TAS2R1: variants seen among roughly 807,000 people sequenced by gnomAD.
TAS2R1 encodes the protein taste receptor type 2 member 1.
For synonymous variants in TAS2R1, 141 were observed against 134.2 expected (o/e 1.05, Z -0.35); for missense variants, 370 against 353.4 (o/e 1.05, Z -0.38).
chr5:9,877,906 TAGAGA>T, the TAS2R1 span, among the ~76,000 whole-genome samples: 1 of 152,184 alleles, frequency 6.6e-6, no homozygotes, highest in Non-Finnish European at 1.5e-5. Flanking sequence ...CACCATAGGT[TAGAGA>T]AAAGAAAAGG....
chr5:9,737,183 G>GC, the TAS2R1 span, among the ~76,000 whole-genome samples: 24 of 152,124 alleles, frequency 1.6e-4, no homozygotes, highest in Non-Finnish European at 2.6e-4. Flanking sequence ...TCTTCATCCT[G>GC]CCCCATTGTT....
the TAS2R1 span, among the ~76,000 whole-genome samples, chr5:9,875,940 T>C: frequency 6.6e-6 from 1 of 152,184 alleles, no homozygotes; most frequent in South Asian, 2.1e-4. Flanking sequence ...ATTTAATACC[T>C]AAGATCAACC....
chr5:9,736,953 C>T, the TAS2R1 span, among the ~76,000 whole-genome samples: 442 of 152,274 alleles, frequency 2.9e-3, 4 homozygotes, highest in Middle Eastern at 0.014. Flanking sequence ...TCTCCCTACC[C>T]TTATTCACAT....
chr5:9,724,757 C>A, the TAS2R1 span, among the ~76,000 whole-genome samples: 1 of 152,178 alleles, frequency 6.6e-6, no homozygotes, highest in Admixed American at 6.5e-5. Context: ...GGCTTCAGGG[C>A]ATATTCATGT....
chr5:9,768,796 G>C, the TAS2R1 span, among the ~76,000 whole-genome samples: 1 of 152,152 alleles, frequency 6.6e-6, no homozygotes, highest in Non-Finnish European at 1.5e-5. Context: ...TTATGGGTAC[G>C]TAATAGGTGT....
chr5:9,801,993 G>A, the TAS2R1 span, among the ~76,000 whole-genome samples: 5 of 152,142 alleles, frequency 3.3e-5, no homozygotes, highest in Middle Eastern at 3.2e-3. Context: ...GGAGCTCTAT[G>A]GCCCTGCCAA....
the TAS2R1 span, among the ~76,000 whole-genome samples, chr5:9,827,598 GCACA>G: frequency 0.073 from 10,770 of 147,146 alleles, 816 homozygotes; most frequent in East Asian, 0.23. Context: ...GTGGTGGCAT[GCACA>G]CACACACACA....
chr5:9,710,097 A>G (rs901180399), intron 1 of TAS2R1, among the ~76,000 whole-genome samples: 2 of 152,280 alleles, frequency 1.3e-5, no homozygotes, highest in Non-Finnish European at 2.9e-5. Context: ...AACCAGGTCC[A>G]CATTTCCACA....
chr5:9,691,349 C>A (rs1741246795), intron 1 of TAS2R1, among the ~76,000 whole-genome samples: 1 of 152,218 alleles, frequency 6.6e-6, no homozygotes, highest in Admixed American at 6.5e-5. Context: ...GGAGTGTGAC[C>A]CCGCTGGCAC....
At chr5:9,773,520 T>C in the TAS2R1 span, among the ~76,000 whole-genome samples, 1 of 152,312 alleles carries the variant, frequency 6.6e-6, no homozygotes, top group Non-Finnish European at 1.5e-5. Context: ...GTGAGTTTTG[T>C]ACCTTCAGAT....
chr5:9,677,567 T>G (rs1000057372), intron 1 of TAS2R1, among the ~76,000 whole-genome samples: 1 of 152,076 alleles, frequency 6.6e-6, no homozygotes, highest in African/African-American at 2.4e-5. Context: ...AACAAGCATG[T>G]GAAAAGATAA....
chr5:9,729,068 C>A, the TAS2R1 span, among the ~76,000 whole-genome samples: 6 of 152,190 alleles, frequency 3.9e-5, no homozygotes, highest in Non-Finnish European at 8.8e-5. Context: ...CTCTGTCTTG[C>A]CCTCTCACCC....
the TAS2R1 span, among the ~76,000 whole-genome samples, chr5:9,844,942 T>G: frequency 1.3e-5 from 2 of 152,130 alleles, no homozygotes; most frequent in African/African-American, 4.8e-5. Flanking sequence ...TCATCAAAAA[T>G]TTTTTACACT....
chr5:9,725,279 G>A, the TAS2R1 span, among the ~76,000 whole-genome samples: 4 of 152,246 alleles, frequency 2.6e-5, no homozygotes, highest in African/African-American at 4.8e-5. Flanking sequence ...GGCCGGAGCC[G>A]GCTTCCTCAG....
chr5:9,796,720 GGAAAAAAA>G, the TAS2R1 span, among the ~76,000 whole-genome samples: 2 of 77,328 alleles, frequency 2.6e-5, no homozygotes, highest in Admixed American at 1.6e-4. Flanking sequence ...GCTATTTTCT[GGAAAAAAA>G]AAAAAAAAAA....
chr5:9,635,905 C>CT (rs1463302308), intron 2 of TAS2R1, among the ~76,000 whole-genome samples: 2 of 151,718 alleles, frequency 1.3e-5, no homozygotes, highest in Non-Finnish European at 2.9e-5. Flanking sequence ...TTTCATTTAT[C>CT]TTTTTTGTTG....
rs750734167 is a variant in TAS2R1 at position 9,629,726 on chromosome 5, A to G, written c.307T>C (p.Tyr103His). ...CGGACGCTGGCAACCTTGGCACAATAGAAAACGCCGAGCCATGTGGCAAGC... is the reference window on the plus strand; with the variant it reads ...CGGACGCTGGCAACCTTGGCACAATGGAAAACGCCGAGCCATGTGGCAAGC... ...LWLATWLGVF[Y>H]CAKVASVRHP... Residue 103 changes from tyrosine to histidine, a missense_variant, in exon 1 of 1, where the codon TAT (tyrosine) becomes CAT (histidine). By Grantham distance (83) the Tyr-to-His change is moderately conservative. Coordinates refer to ENST00000382492, the MANE Select transcript of TAS2R1 (RefSeq NM_019599.3). 1 of 1,614,062 alleles carries G rather than the reference A, an allele frequency of 6.2e-7. No individual in the cohort carries two copies.
chr5:9,854,311 C>G, the TAS2R1 span: 1 of 151,812 alleles, frequency 6.6e-6, no homozygotes, highest in African/African-American at 2.4e-5. Context: ...AGGGCCTCAC[C>G]TGCTCCATTG....
upstream of TAS2R1, chr5:9,712,494 AG>A (rs1029061156): frequency 1.3e-5 from 2 of 152,228 alleles, no homozygotes; most frequent in Non-Finnish European, 2.9e-5. Context: ...ATCAGTTGAC[AG>A]TCTTAAGAGC....
Sources: gnomAD v4.1 joint callset for allele counts (sites outside exome capture counted in the v4.1 genomes callset) on GRCh38, gnomAD v4.1.1 for gene constraint, MANE v1.5 for transcripts, NCBI Gene and HGNC (gene_info 2026-07-23, HGNC 2026-07-21) for gene names.